WDR64: variants seen among roughly 807,000 people sequenced by gnomAD.
WDR64 encodes the protein WD repeat domain 64, also known as WD repeat-containing protein 64.
A neutral mutation model predicts 139.3 loss-of-function variants in WDR64; 112 were observed. The ratio of observed to expected loss-of-function variants is 0.80; its 90% CI spans 0.69 to 0.94. The LOEUF is 0.94. Among genes scored for constraint, WDR64 ranks in the 40% least tolerant of loss-of-function variants. The pLI is 0.00. For missense variants in WDR64, 1,206 were observed against 1,293.1 expected, an observed-to-expected ratio of 0.93 and a Z score of 1.03; for synonymous variants, 444 against 437.7, an observed-to-expected ratio of 1.01 and a Z score of -0.18.
intron 1 of WDR64, among the ~76,000 whole-genome samples, chr1:241,660,104 C>T (rs751152267): frequency 6.6e-6 from 1 of 152,112 alleles, no homozygotes. Context: ...AGGAAGGGGT[C>T]CAGTTTCAAT....
intron 2 of WDR64, among the ~76,000 whole-genome samples, chr1:241,667,520 T>C (rs1666067003): frequency 6.6e-6 from 1 of 152,052 alleles, no homozygotes; most frequent in African/African-American, 2.4e-5. Flanking sequence ...TCTAGGTGGG[T>C]TCAAACTCCT....
intron 7 of WDR64, among the ~76,000 whole-genome samples, chr1:241,684,800 C>T (rs1666945612): frequency 6.6e-6 from 1 of 152,182 alleles, no homozygotes; most frequent in Admixed American, 6.5e-5. Flanking sequence ...CTCTGTCGCC[C>T]AGGCTGGAGT....
chr1:241,768,342 T>G (rs1658271626), intron 16 of WDR64, among the ~76,000 whole-genome samples: 1 of 152,162 alleles, frequency 6.6e-6, no homozygotes, highest in Non-Finnish European at 1.5e-5. Context: ...TAGGCCCAGG[T>G]TTAAAAGTTC....
chr1:241,660,411 A>G (rs1020602662), intron 1 of WDR64, 119 bp from the exon 2 acceptor site: 8 of 1,277,574 alleles, frequency 6.3e-6, no homozygotes, highest in Non-Finnish European at 8.6e-6. Context: ...ATGCAAATAT[A>G]TCTGGTTTTT....
intron 9 of WDR64, among the ~76,000 whole-genome samples, chr1:241,722,496 T>C (rs559706748): frequency 6.6e-6 from 1 of 152,296 alleles, no homozygotes; most frequent in South Asian, 2.1e-4. Flanking sequence ...GCAGTATTGC[T>C]GAATAAAGTA....
rs367649063 is a variant in WDR64, at chr1:241,679,547, C to T, written c.576C>T (p.Thr192=). 27 of 1,551,694 alleles carry T rather than the reference C, an allele frequency of 1.7e-5. No homozygotes were observed. Among genetic ancestry groups the T allele is most frequent in the Middle Eastern group, 1.7e-4 (1 of 6,016 alleles). ...LLQLKRIVAT[T]ERTIIVWDYK... Reference sequence around the variant, plus strand: ...AGCTGAAACGAATCGTAGCCACAACCGAAAGGACCATTATTGTCTGGGATT... The same window carrying T: ...AGCTGAAACGAATCGTAGCCACAACTGAAAGGACCATTATTGTCTGGGATT... The change falls in exon 6 of 28, where the codon ACC becomes ACT. Residue 192 remains threonine (T), a synonymous_variant. Transcript: ENST00000437684.
chr1:241,798,736 T>C (rs117427872), intron 27 of WDR64, among the ~76,000 whole-genome samples: 2 of 152,342 alleles, frequency 1.3e-5, no homozygotes, highest in East Asian at 3.9e-4. Context: ...GAAAGTCCTT[T>C]GAGTAAAAGG....
chr1:241,794,806 C>T (rs887286797), intron 25 of WDR64, among the ~76,000 whole-genome samples: 16 of 152,002 alleles, frequency 1.1e-4, no homozygotes, highest in African/African-American at 4.8e-5. Context: ...CGTGCCCGGC[C>T]GCTTTATTCT....
At chr1:241,749,861 G>T (rs1574067583) in intron 14 of WDR64, 139 bp downstream of exon 14, 1 of 987,576 alleles carries the variant, frequency 1.0e-6, no homozygotes. Context: ...TTCCCGTGAT[G>T]CTCCTCATTA....
chr1:241,759,752 A>AT (rs1670354839), intron 15 of WDR64, among the ~76,000 whole-genome samples: 2 of 152,070 alleles, frequency 1.3e-5, no homozygotes, highest in Non-Finnish European at 1.5e-5. Context: ...CACTTAGACT[A>AT]TTTTTAGGTG....
At position 241,775,105 on chromosome 1, in the gene WDR64, G is replaced by T. The variant is rs1658610475; in HGVS notation, c.2431G>T (p.Gly811Ter). The change falls in exon 21 of 28, where the codon GGA becomes TGA. Residue 811 changes from glycine (G) to a stop codon, truncating the protein, a stop_gained and splice_region_variant. Transcript: ENST00000437684. LOFTEE classifies it high-confidence loss of function. ...TTTATTTGCATTATACTTTATTTAG[G>T]GAAGACTACTGAAAGATATGCTACC... Reference protein sequence around the residue: ...DGHLRLWTLEGRLLKDMLPFT... With the variant: ...DGHLRLWTLE 6.5e-7 allele frequency: 1 copy of T among 1,548,896 alleles called. No homozygotes were observed.
At chr1:241,723,174 C>T in intron 9 of WDR64, 123 bp from the exon 10 acceptor site, 2 of 1,275,664 alleles carry the variant, frequency 1.6e-6, no homozygotes, top group Non-Finnish European at 1.1e-6. Flanking sequence ...AATAATGCAT[C>T]CTGCCAGAAA....
chr1:241,785,454 C>G (rs947711683), intron 23 of WDR64, among the ~76,000 whole-genome samples: 2 of 152,172 alleles, frequency 1.3e-5, no homozygotes, highest in Admixed American at 1.3e-4. Context: ...AGACTGAGCC[C>G]TTGTGACCTA....
chr1:241,758,359 G>C (rs1670292510), intron 15 of WDR64, among the ~76,000 whole-genome samples: 1 of 149,476 alleles, frequency 6.7e-6, no homozygotes, highest in African/African-American at 2.5e-5. Flanking sequence ...TCACTACCTA[G>C]GCCTATTATT....
chr1:241,690,419 C>T (rs183159403), intron 8 of WDR64, among the ~76,000 whole-genome samples: 3 of 151,118 alleles, frequency 2.0e-5, no homozygotes, highest in East Asian at 3.9e-4. Flanking sequence ...TGTAGTGAGC[C>T]GAGATCACAC....
At chr1:241,681,576 A>G (rs1261310485) in intron 6 of WDR64, among the ~76,000 whole-genome samples, 2 of 152,206 alleles carry the variant, frequency 1.3e-5, no homozygotes, top group African/African-American at 4.8e-5. Flanking sequence ...TTGTGCTGCT[A>G]TAAACATGAG....
chr1:241,795,775 G>A (rs2148333160), intron 26 of WDR64, among the ~76,000 whole-genome samples: 1 of 152,062 alleles, frequency 6.6e-6, no homozygotes, highest in South Asian at 2.1e-4. Context: ...CTCCACCCCA[G>A]GTAACCTTTG....
At chr1:241,705,886 GCCCTCATGGA>G (rs1667935347) in intron 8 of WDR64, among the ~76,000 whole-genome samples, 1 of 152,128 alleles carries the variant, frequency 6.6e-6, no homozygotes, top group Non-Finnish European at 1.5e-5. Flanking sequence ...ACCATGCCTG[GCCCTCATGGA>G]GAATTCTGAA....
intron 6 of WDR64, 61 bp downstream of exon 6, chr1:241,679,656 T>C: frequency 7.4e-7 from 1 of 1,357,194 alleles, no homozygotes; most frequent in Non-Finnish European, 1.0e-6. Context: ...TGGTACGATA[T>C]GAGCAATCCA....
Sources: allele counts gnomAD v4.1 joint callset (sites outside exome capture counted in the v4.1 genomes callset), GRCh38; gene constraint gnomAD v4.1.1; transcripts MANE v1.5; gene names NCBI Gene and HGNC (gene_info 2026-07-23, HGNC 2026-07-21).